The following CAVIN2 variants were observed in gnomAD, a reference collection of about 807,000 sequenced individuals.
CAVIN2 encodes caveolae associated protein 2.
CAVIN2 carries 13 observed loss-of-function variants against 11.7 expected under a neutral mutation model. That is an observed-to-expected ratio of 1.11 (90% CI 0.72 to 1.77). CAVIN2 has a LOEUF of 1.77. Ranked by LOEUF, CAVIN2 falls within the 40% of genes most tolerant of loss-of-function variation. The pLI, the probability that CAVIN2 is intolerant of heterozygous loss-of-function variation, is 0.00. For synonymous variants in CAVIN2, 237 were observed against 223.2 expected (o/e 1.06, Z -0.55); for missense variants, 549 against 542.9 (o/e 1.01, Z -0.11).
chr2:191,843,709 C>T (rs1482913952), intron 1 of CAVIN2, among the ~76,000 whole-genome samples: 1 of 152,154 alleles, frequency 6.6e-6, no homozygotes, highest in East Asian at 1.9e-4. Context: ...TCAGTTTTTA[C>T]CCAAGGACCA....
chr2:191,839,541 G>A (rs1411243032), intron 1 of CAVIN2, among the ~76,000 whole-genome samples: 1 of 152,100 alleles, frequency 6.6e-6, no homozygotes, highest in South Asian at 2.1e-4. Flanking sequence ...ATATGAATGG[G>A]TATTGGGGGA....
At position 191,836,627 on chromosome 2, in the gene CAVIN2, A is replaced by G; in HGVS notation, c.574T>C (p.Ser192Pro). ...GKEELPDENK[S>P]LEETLHTVDL... ...ACGGTGTGCAGGGTTTCCTCCAGGG[A>G]TTTGTTTTCATCCGGAAGCTCCTCC... The change falls in exon 2 of 2, where the codon TCC becomes CCC. Residue 192 changes from serine (S) to proline (P), a missense_variant. Transcript: ENST00000304141. 6.2e-7 allele frequency: 1 copy of G among 1,613,860 alleles called. No individual in the cohort carries two copies. Among genetic ancestry groups the G allele is most frequent in the Non-Finnish European group, 8.5e-7 (1 of 1,179,998 alleles).
chr2:191,841,389 T>C (rs1279430836), intron 1 of CAVIN2, among the ~76,000 whole-genome samples: 1 of 152,244 alleles, frequency 6.6e-6, no homozygotes, highest in South Asian at 2.1e-4. Context: ...GGGATTATAG[T>C]GTTTGTTTTT....
intron 1 of CAVIN2, among the ~76,000 whole-genome samples, chr2:191,840,437 C>T (rs1234643481): frequency 6.6e-6 from 1 of 152,158 alleles, no homozygotes; most frequent in East Asian, 1.9e-4. Context: ...TGCAGGTGTT[C>T]CCGGTTCTGA....
intron 1 of CAVIN2, 137 bp downstream of exon 1, chr2:191,846,306 A>T: frequency 9.2e-7 from 1 of 1,083,580 alleles, no homozygotes; most frequent in Non-Finnish European, 1.3e-6. Context: ...CCGCAGGCAG[A>T]CAGGGGACAG....
rs935750793 is a variant in CAVIN2, at chr2:191,846,510, A to T, written c.416T>A (p.Val139Glu). ...GGCGTGGTTGTTCTCCAGCCGCTTCACCTGTGCGCACTGCCTATCCATGCG... is the reference window on the plus strand; with the variant it reads ...GGCGTGGTTGTTCTCCAGCCGCTTCTCCTGTGCGCACTGCCTATCCATGCG... The part of the protein sequence containing the change: ...KERMDRQCAQ[V>E]KRLENNHAQL... Residue 139 changes from valine to glutamate, a missense_variant, in exon 1 of 2, where the codon GTG (valine) becomes GAG (glutamate). Coordinates refer to ENST00000304141, the MANE Select transcript of CAVIN2 (RefSeq NM_004657.6). The T allele has an allele frequency of 6.2e-7, 1 of 1,614,222 alleles. No individual in the cohort carries two copies. The highest frequency in any genetic ancestry group is 1.3e-5 in the African/African-American group (1 of 75,066).
chr2:191,839,852 G>A (rs1690070216), intron 1 of CAVIN2, among the ~76,000 whole-genome samples: 2 of 152,194 alleles, frequency 1.3e-5, no homozygotes, highest in African/African-American at 4.8e-5. Context: ...AAAAATCTGT[G>A]AATGTCCAAG....
At position 191,846,747 on chromosome 2, in the gene CAVIN2, G is replaced by T. The variant is rs1251755460; in HGVS notation, c.179C>A (p.Thr60Lys). 6.2e-7 allele frequency: 1 copy of T among 1,614,190 alleles called. No homozygotes were observed. The highest frequency in any genetic ancestry group is 1.3e-5 in the African/African-American group (1 of 75,036). The change falls in exon 1 of 2, where the codon ACG becomes AAG. Residue 60 changes from threonine (T) to lysine (K), a missense_variant. Coordinates refer to ENST00000304141, the MANE Select transcript of CAVIN2 (RefSeq NM_004657.6). The stretch of plus-strand genomic sequence containing the variant: ...CATGTTCACCAGCTTGTCCAGGAGC[G>T]TGAGCACCGTGACTGCGTTCACCTG... Reference protein sequence around the residue: ...NSQVNAVTVLTLLDKLVNMLD... With the variant: ...NSQVNAVTVLKLLDKLVNMLD...
At chr2:191,840,374 A>G (rs1457386389) in intron 1 of CAVIN2, among the ~76,000 whole-genome samples, 1 of 152,212 alleles carries the variant, frequency 6.6e-6, no homozygotes, top group Non-Finnish European at 1.5e-5. Context: ...TAGAGGCCCC[A>G]AGAGAGCTGA....
chr2:191,840,472 T>G (rs1574194975), intron 1 of CAVIN2, among the ~76,000 whole-genome samples: 1 of 152,072 alleles, frequency 6.6e-6, no homozygotes, highest in African/African-American at 2.4e-5. Flanking sequence ...CCTTAGGAGT[T>G]TTTCAAAGGA....
chr2:191,839,433 C>T (rs1345227875), intron 1 of CAVIN2, among the ~76,000 whole-genome samples: 2 of 152,130 alleles, frequency 1.3e-5, no homozygotes, highest in African/African-American at 4.8e-5. Flanking sequence ...GAGTTTTAGA[C>T]TCTTTCGATT....
At chr2:191,840,787 G>A (rs1690081895) in intron 1 of CAVIN2, among the ~76,000 whole-genome samples, 1 of 152,182 alleles carries the variant, frequency 6.6e-6, no homozygotes, top group South Asian at 2.1e-4. Context: ...ATCATGGTAA[G>A]TCATTTAAAA....
At position 191,838,450 on chromosome 2, in the gene CAVIN2, G is replaced by A. The variant is rs150355789; in HGVS notation, c.484-1733C>T. On this transcript the variant is annotated intron_variant, in intron 1 of 1. Transcript: ENST00000304141. ...GAAACAAAGGGTAATGTCTTGTGTCGACGCAAAAAGCAGAAAAGTCCAATT... is the reference window on the plus strand; with the variant it reads ...GAAACAAAGGGTAATGTCTTGTGTCAACGCAAAAAGCAGAAAAGTCCAATT... Among the ~76,000 whole-genome samples, 451 of 152,140 alleles carry A rather than the reference G, an allele frequency of 3.0e-3. 11 individuals are homozygous for A. Among genetic ancestry groups the A allele is most frequent in the Admixed American group, 0.021 (323 of 15,276 alleles).
Position 191,844,794 on chromosome 2 carries a change from C to T in CAVIN2, c.483+1649G>A, listed in dbSNP as rs1056880331. On this transcript the variant is annotated intron_variant, in intron 1 of 1. Coordinates refer to ENST00000304141, the MANE Select transcript of CAVIN2 (RefSeq NM_004657.6). Reference sequence around the variant, plus strand: ...ATATCCTCTCCATCCCTCCCCCCAACATCTGCAGAACATCCATGACAAAAC... The same window carrying T: ...ATATCCTCTCCATCCCTCCCCCCAATATCTGCAGAACATCCATGACAAAAC... Among the ~76,000 whole-genome samples the T allele has an allele frequency of 9.2e-5, 14 of 152,292 alleles. No homozygotes were observed. The East Asian group carries it at 2.3e-3, about 25-fold the overall frequency.
intron 1 of CAVIN2, 128 bp downstream of exon 1, chr2:191,846,315 A>T: frequency 8.8e-7 from 1 of 1,141,904 alleles, no homozygotes; most frequent in South Asian, 1.6e-5. Context: ...GACAGGGGAC[A>T]GTGCCTTGTA....
At chr2:191,841,216 A>G (rs1690087986) in intron 1 of CAVIN2, among the ~76,000 whole-genome samples, 1 of 152,136 alleles carries the variant, frequency 6.6e-6, no homozygotes, top group African/African-American at 2.4e-5. Flanking sequence ...AAGTTTCATT[A>G]TTTTTCAGTG....
intron 1 of CAVIN2, among the ~76,000 whole-genome samples, chr2:191,842,211 C>A (rs1212679446): frequency 6.6e-6 from 1 of 152,232 alleles, no homozygotes; most frequent in Non-Finnish European, 1.5e-5. Flanking sequence ...AGGCTCCATT[C>A]TCCAGAAATG....
chr2:191,836,376 G>A lies in CAVIN2; in HGVS notation c.825C>T (p.Leu275=). 1 of 1,614,160 alleles carries A rather than the reference G, an allele frequency of 6.2e-7. No individual in the cohort carries two copies. The highest frequency in any genetic ancestry group is 8.5e-7 in the Non-Finnish European group (1 of 1,180,030). ...AGGATATTTTCTGGTGATTTGACGT[G>A]AGAGATTTCTTAATCTTCTCTCTCC... ...VERREKIKKS[L]TSNHQKISSG... is the part of the protein sequence containing the mutation. Residue 275 remains leucine (L), a synonymous_variant, in exon 2 of 2, where the codon CTC becomes CTT. Coordinates refer to ENST00000304141, the MANE Select transcript of CAVIN2 (RefSeq NM_004657.6).
In CAVIN2 at chr2:191,846,955, C is replaced by G; in HGVS notation, c.-30G>C. ...AGGCAGGTGGGAACGTTCTTTCTCT[C>G]TGGGAGCTGCTTCTTGCTCGGGTGA... On this transcript the variant is annotated 5_prime_UTR_variant, in exon 1 of 2. Transcript: ENST00000304141. 1 of 1,563,912 alleles carries G rather than the reference C, an allele frequency of 6.4e-7. No homozygotes were observed.
Sources: allele counts gnomAD v4.1 joint callset (sites outside exome capture counted in the v4.1 genomes callset), GRCh38; gene constraint gnomAD v4.1.1; transcripts MANE v1.5; gene names NCBI Gene and HGNC (gene_info 2026-07-23, HGNC 2026-07-21).